Variants in OTUD7A observed in about 807,000 individuals in gnomAD.
OTUD7A encodes OTU deubiquitinase 7A.
OTUD7A carries 12 observed loss-of-function variants against 65.7 expected under a neutral mutation model. The ratio of observed to expected loss-of-function variants is 0.18; its 90% CI spans 0.12 to 0.30. The LOEUF (loss-of-function observed/expected upper bound fraction) is 0.30, where lower values mean the gene tolerates loss of function less well. OTUD7A is among the 10% of genes least tolerant of loss of function. OTUD7A has a pLI of 1.00. For synonymous variants in OTUD7A, 641 were observed against 586.3 expected (o/e 1.09, Z -1.35); for missense variants, 1,148 against 1,304.8 (o/e 0.88, Z 1.85).
chr15:31,785,569 G>A (rs1261817224), intron 1 of OTUD7A, among the ~76,000 whole-genome samples: 1 of 152,110 alleles, frequency 6.6e-6, no homozygotes, highest in African/African-American at 2.4e-5. Flanking sequence ...TGACCAACTT[G>A]GAAGCTACTG....
At chr15:31,730,116 C>CCT (rs1230661155) in intron 1 of OTUD7A, among the ~76,000 whole-genome samples, 1 of 152,088 alleles carries the variant, frequency 6.6e-6, no homozygotes, top group Non-Finnish European at 1.5e-5. Context: ...ACATCTGCTT[C>CCT]CTCTCTCTCT....
At chr15:31,845,086 C>T (rs1168585753) in intron 1 of OTUD7A, among the ~76,000 whole-genome samples, 1 of 152,210 alleles carries the variant, frequency 6.6e-6, no homozygotes, top group Non-Finnish European at 1.5e-5. Flanking sequence ...GAGAGAGCCC[C>T]GAAATAGGCT....
chr15:31,729,943 C>T (rs1004779088), intron 1 of OTUD7A, among the ~76,000 whole-genome samples: 7 of 152,136 alleles, frequency 4.6e-5, no homozygotes, highest in African/African-American at 1.4e-4. Context: ...TCCTATGATA[C>T]TAATGATTCC....
chr15:31,759,229 A>G (rs1259580163), intron 1 of OTUD7A, among the ~76,000 whole-genome samples: 1 of 152,190 alleles, frequency 6.6e-6, no homozygotes, highest in East Asian at 1.9e-4. Flanking sequence ...TCACTTGTGC[A>G]TCTTTTAAAA....
intron 4 of OTUD7A, among the ~76,000 whole-genome samples, chr15:31,564,400 TAG>T (rs1888798096): frequency 6.6e-6 from 1 of 150,790 alleles, no homozygotes; most frequent in African/African-American, 2.4e-5. Context: ...TTTTTTTTTT[TAG>T]CAAAAGAGAA....
intron 1 of OTUD7A, among the ~76,000 whole-genome samples, chr15:31,792,070 C>T (rs1210832376): frequency 6.6e-6 from 1 of 152,130 alleles, no homozygotes; most frequent in East Asian, 1.9e-4. Flanking sequence ...TCTCAGCACC[C>T]ACCAAGTTTC....
intron 1 of OTUD7A, among the ~76,000 whole-genome samples, chr15:31,753,652 A>G (rs1285557359): frequency 2.1e-5 from 3 of 141,108 alleles, no homozygotes; most frequent in African/African-American, 7.9e-5. Flanking sequence ...ATGACTGAGT[A>G]GTATTCCATC....
intron 5 of OTUD7A, among the ~76,000 whole-genome samples, chr15:31,548,705 C>G (rs974415632): frequency 1.3e-5 from 2 of 152,174 alleles, no homozygotes; most frequent in African/African-American, 4.8e-5. Context: ...TTATCAAAAG[C>G]ATAGTTGCCA....
At chr15:31,740,230 T>C (rs1287522929) in intron 1 of OTUD7A, among the ~76,000 whole-genome samples, 1 of 152,022 alleles carries the variant, frequency 6.6e-6, no homozygotes, top group Non-Finnish European at 1.5e-5. Context: ...GAACAGCTTC[T>C]GGTGGGCAGG....
chr15:31,708,960 T>G (rs541727577), intron 1 of OTUD7A, among the ~76,000 whole-genome samples: 1 of 151,558 alleles, frequency 6.6e-6, no homozygotes, highest in African/African-American at 2.4e-5. Flanking sequence ...GATGTGAAAG[T>G]GACAGCAGTC....
chr15:31,561,132 G>C (rs1189012357), intron 4 of OTUD7A, among the ~76,000 whole-genome samples: 1 of 152,172 alleles, frequency 6.6e-6, no homozygotes, highest in African/African-American at 2.4e-5. Flanking sequence ...AGACCAACAG[G>C]ATTAAGTTCT....
intron 1 of OTUD7A, among the ~76,000 whole-genome samples, chr15:31,783,116 C>T (rs961713613): frequency 2.6e-5 from 4 of 152,036 alleles, no homozygotes; most frequent in African/African-American, 7.3e-5. Context: ...GCCACTGAGC[C>T]GGGAAGAAAC....
At chr15:31,691,269 T>G (rs528734390) in intron 1 of OTUD7A, among the ~76,000 whole-genome samples, 1 of 152,236 alleles carries the variant, frequency 6.6e-6, no homozygotes, top group South Asian at 2.1e-4. Flanking sequence ...CAAAAGACCT[T>G]GAACAGCTGA....
chr15:31,516,494 G>A (rs2041858102), intron 8 of OTUD7A, among the ~76,000 whole-genome samples: 1 of 152,182 alleles, frequency 6.6e-6, no homozygotes, highest in African/African-American at 2.4e-5. Flanking sequence ...GACTTAGGGA[G>A]GGTCCTGGTT....
At chr15:31,837,996 T>C (rs56165304) in intron 1 of OTUD7A, among the ~76,000 whole-genome samples, 17,007 of 152,224 alleles carry the variant, frequency 0.11, 1,267 homozygotes, top group South Asian at 0.35. Flanking sequence ...CAACTGATAC[T>C]TGACAAAGTA....
At chr15:31,665,686 A>G (rs1774567821) in intron 1 of OTUD7A, among the ~76,000 whole-genome samples, 1 of 152,158 alleles carries the variant, frequency 6.6e-6, no homozygotes, top group South Asian at 2.1e-4. Flanking sequence ...TAGGACTTCA[A>G]GTACTATGTT....
intron 1 of OTUD7A, among the ~76,000 whole-genome samples, chr15:31,659,834 G>A (rs892982606): frequency 6.6e-6 from 1 of 152,258 alleles, no homozygotes; most frequent in Non-Finnish European, 1.5e-5. Context: ...CTGAACACAG[G>A]GATAAGGGAA....
rs930742944 is a variant in OTUD7A at position 31,484,469 on chromosome 15, C to T, written c.1627G>A (p.Gly543Ser). 4 of 1,606,028 alleles carry T rather than the reference C, an allele frequency of 2.5e-6. No homozygotes were observed. Among genetic ancestry groups the T allele is most frequent in the Non-Finnish European group, 3.4e-6 (4 of 1,179,940 alleles). The change falls in exon 13 of 13, where the codon GGC becomes AGC. Residue 543 changes from glycine (G) to serine (S), a missense_variant. By Grantham distance (56) the Gly-to-Ser change is moderately conservative (BLOSUM62 0). This residue lies in a region of OTUD7A where 842 missense variants were observed against 769.5 expected (regional missense o/e 1.09). Transcript: ENST00000307050. The surrounding 1 kb of genome is among the most constrained non-coding windows in gnomAD (Gnocchi z 4.5). ...IKLKKNMGGLGGLVHGKMGRA... is the reference protein window; with the variant it reads ...IKLKKNMGGLSGLVHGKMGRA... ...CCCATCTTGCCGTGCACCAGGCCGC[C>T]GAGGCCGCCCATGTTTTTCTTCAGC...
At chr15:31,751,956 T>C (rs1225510479) in intron 1 of OTUD7A, among the ~76,000 whole-genome samples, 3 of 152,154 alleles carry the variant, frequency 2.0e-5, no homozygotes, top group East Asian at 1.9e-4. Context: ...ATGTTCACTA[T>C]GTACATGATG....
Sources: allele counts gnomAD v4.1 joint callset (sites outside exome capture counted in the v4.1 genomes callset), GRCh38; gene constraint gnomAD v4.1.1; regional missense constraint gnomAD v4.1.1; non-coding constraint Gnocchi (gnomAD v3.1); transcripts MANE v1.5; gene names NCBI Gene and HGNC (gene_info 2026-07-23, HGNC 2026-07-21).